SRRM3: variants seen among roughly 807,000 people sequenced by gnomAD.
SRRM3 encodes the protein serine/arginine repetitive matrix 3.
A neutral mutation model predicts 66.2 loss-of-function variants in SRRM3; 27 were observed. That is an observed-to-expected ratio of 0.41 (90% CI 0.30 to 0.56). SRRM3 has a LOEUF of 0.56. SRRM3 is among the 20% of genes least tolerant of loss of function. SRRM3 has a pLI of 0.32. For synonymous variants in SRRM3, 391 were observed against 414.9 expected, an observed-to-expected ratio of 0.94 and a Z score of 0.70; for missense variants, 918 against 991.9, an observed-to-expected ratio of 0.93 and a Z score of 1.00.
chr7:76,269,357 A>ACCTGCATTCAGATCCCTGCCTC (rs1802150879), intron 11 of SRRM3: 1 of 152,154 alleles, frequency 6.6e-6, no homozygotes, highest in Non-Finnish European at 1.5e-5. Context: ...CGGGTCTCAA[A>ACCTGCATTCAGATCCCTGCCTC]CCTGCATTCA....
chr7:76,227,851 T>C (rs1217299973), intron 1 of SRRM3, among the ~76,000 whole-genome samples: 2 of 152,154 alleles, frequency 1.3e-5, no homozygotes, highest in Admixed American at 6.6e-5. Context: ...TACGACAAAC[T>C]GCTTAGTTTT....
At chr7:76,212,510 C>T (rs1435582099) in intron 1 of SRRM3, among the ~76,000 whole-genome samples, 2 of 144,348 alleles carry the variant, frequency 1.4e-5, no homozygotes, top group African/African-American at 5.2e-5. Flanking sequence ...GCTCTGTTGC[C>T]CAGGCTGGAG....
At chr7:76,218,055 G>C (rs1442737432) in intron 1 of SRRM3, among the ~76,000 whole-genome samples, 1 of 152,194 alleles carries the variant, frequency 6.6e-6, no homozygotes, top group Non-Finnish European at 1.5e-5. Context: ...AAGGAAAAGG[G>C]ATCTGGTTAT....
chr7:76,245,264 G>A (rs1554606062), intron 2 of SRRM3, among the ~76,000 whole-genome samples: 1 of 152,150 alleles, frequency 6.6e-6, no homozygotes, highest in African/African-American at 2.4e-5. Flanking sequence ...TTTGTTGAAG[G>A]AGCAGAGGGA....
At chr7:76,234,620 G>A (rs57020161) in intron 1 of SRRM3, among the ~76,000 whole-genome samples, 5,981 of 152,170 alleles carry the variant, frequency 0.039, 274 homozygotes, top group African/African-American at 0.11. Context: ...TGGTGTGTGC[G>A]TAAACAGTTT....
chr7:76,263,206 G>C (rs573194735), intron 8 of SRRM3, among the ~76,000 whole-genome samples: 1 of 152,328 alleles, frequency 6.6e-6, no homozygotes, highest in East Asian at 1.9e-4. Flanking sequence ...ACTAGGAATA[G>C]ACCAACTTCC....
At chr7:76,267,511 G>A (rs1802100778) in intron 11 of SRRM3, 76 bp downstream of exon 11, 1 of 1,151,828 alleles carries the variant, frequency 8.7e-7, no homozygotes, top group Non-Finnish European at 1.1e-6. Flanking sequence ...TCGCCAGCGG[G>A]GCAGGGGGCG....
intron 1 of SRRM3, among the ~76,000 whole-genome samples, chr7:76,204,238 T>G (rs1310530682): frequency 1.3e-5 from 2 of 152,046 alleles, no homozygotes; most frequent in Non-Finnish European, 2.9e-5. Context: ...TATTTTATTG[T>G]CCCCCAGGGA....
intron 1 of SRRM3, among the ~76,000 whole-genome samples, chr7:76,206,573 A>T (rs1209987133): frequency 6.6e-6 from 1 of 152,138 alleles, no homozygotes; most frequent in African/African-American, 2.4e-5. Context: ...CGACATCTCC[A>T]TCCTGGAGGC....
At chr7:76,213,011 T>C (rs868969893) in intron 1 of SRRM3, among the ~76,000 whole-genome samples, 44 of 131,290 alleles carry the variant, frequency 3.4e-4, no homozygotes, top group African/African-American at 1.2e-3. Context: ...TTCCTTTTTT[T>C]TTTTTTTTTT....
chr7:76,230,757 T>A (rs529510767), intron 1 of SRRM3, among the ~76,000 whole-genome samples: 1 of 151,148 alleles, frequency 6.6e-6, no homozygotes, highest in South Asian at 2.1e-4. Context: ...ACTTACTTTT[T>A]TTTTTTTTTT....
chr7:76,286,133 T>C lies in SRRM3; in HGVS notation c.*290T>C. On this transcript the variant is annotated 3_prime_UTR_variant, in exon 15 of 15. Transcript: ENST00000611745. The stretch of plus-strand genomic sequence containing the variant: ...AACACAGGAATCTCCCCATCCCCCT[T>C]CCTGCTGATGCCAACTCACCAGGCT... 1 of 500,112 alleles carries C rather than the reference T, an allele frequency of 2.0e-6. No homozygotes were observed. Among genetic ancestry groups the C allele is most frequent in the Non-Finnish European group, 3.7e-6 (1 of 270,930 alleles). The allele number at this position is 500,112 out of a possible 1,614,324, so 31.0% of individuals were successfully genotyped here.
At chr7:76,234,504 A>G (rs1347341297) in intron 1 of SRRM3, among the ~76,000 whole-genome samples, 4 of 152,140 alleles carry the variant, frequency 2.6e-5, no homozygotes, top group African/African-American at 9.7e-5. Flanking sequence ...GTGGGAATAG[A>G]GTAGGCTTCC....
chr7:76,266,832 C>T (rs1362607292), intron 10 of SRRM3, among the ~76,000 whole-genome samples: 1 of 150,920 alleles, frequency 6.6e-6, no homozygotes, highest in Admixed American at 6.7e-5. Flanking sequence ...ACCACCATGC[C>T]CGACTAATTT....
chr7:76,285,620 G>T lies in SRRM3; in HGVS notation c.1739G>T (p.Arg580Leu), dbSNP rs1229445916. Residue 580 changes from arginine (R) to leucine (L), a missense_variant, in exon 15 of 15, where the codon CGC becomes CTC. Transcript: ENST00000611745. The surrounding 1 kb of genome is among the most constrained non-coding windows in gnomAD (Gnocchi z 4.1). ...CAGCTTTTTCTTCCCGGCAGCGCCC[G>T]CAAGCGTCCTATTCCATACTACCGG... ...FMEPRRITSA[R>L]KRPIPYYRPS... 6.5e-7 allele frequency: 1 copy of T among 1,548,840 alleles called. No homozygotes were observed. The highest frequency in any genetic ancestry group is 1.4e-5 in the African/African-American group (1 of 72,952).
intron 1 of SRRM3, among the ~76,000 whole-genome samples, chr7:76,207,280 C>T (rs1005218393): frequency 2.0e-5 from 3 of 151,226 alleles, no homozygotes; most frequent in African/African-American, 4.9e-5. Context: ...CCAGCCTGGG[C>T]GACAGAGTGG....
chr7:76,219,244 C>T (rs1554602943), intron 1 of SRRM3, among the ~76,000 whole-genome samples: 1 of 152,200 alleles, frequency 6.6e-6, no homozygotes, highest in Non-Finnish European at 1.5e-5. Context: ...GTTGATCAGT[C>T]GGTCTGAGCT....
chr7:76,248,411 G>A, intron 3 of SRRM3, 122 bp downstream of exon 3: 1 of 670,308 alleles, frequency 1.5e-6, no homozygotes, highest in Non-Finnish European at 2.6e-6. Flanking sequence ...GGGTGGAGAG[G>A]AAGAAGATAA....
Position 76,206,825 on chromosome 7 carries a change from C to T in SRRM3, c.-40+4758C>T, listed in dbSNP as rs181329357. On this transcript the variant is annotated intron_variant, in intron 1 of 14. Transcript: ENST00000611745. The stretch of plus-strand genomic sequence containing the variant: ...CCTGGCCTCAGCCTCCTGCCGCCCC[C>T]GCCCTGGCCTCCTGCCCACTGCAGA... Among the ~76,000 whole-genome samples, 73 of 152,350 alleles carry T rather than the reference C, an allele frequency of 4.8e-4. No homozygotes were observed. The East Asian group carries it at 0.011, about 23-fold the overall frequency.
Sources: allele counts gnomAD v4.1 joint callset (sites outside exome capture counted in the v4.1 genomes callset), GRCh38; gene constraint gnomAD v4.1.1; non-coding constraint Gnocchi (gnomAD v3.1); transcripts MANE v1.5; gene names NCBI Gene and HGNC (gene_info 2026-07-23, HGNC 2026-07-21).